Variants in BMP8A observed in about 807,000 individuals in gnomAD.
The protein encoded by BMP8A is bone morphogenetic protein 8a, also known as BMP-8A.
A neutral mutation model predicts 36.8 loss-of-function variants in BMP8A; 14 were observed. That is an observed-to-expected ratio of 0.38 (90% CI 0.25 to 0.60). BMP8A has a LOEUF of 0.60. BMP8A is among the 20% of genes least tolerant of loss of function. BMP8A has a pLI of 0.63. For missense variants in BMP8A, 267 were observed against 551.1 expected (o/e 0.48, Z 5.16); for synonymous variants, 120 against 237.7 (o/e 0.50, Z 4.55).
intron 4 of BMP8A, chr1:39,522,184 G>A (rs1645432487): frequency 7.6e-6 from 4 of 529,190 alleles, no homozygotes; most frequent in Non-Finnish European, 1.0e-5. Context: ...GGGAGGACTG[G>A]GCACAGTGTC....
At chr1:39,495,147 C>T (rs1047230539) in intron 1 of BMP8A, among the ~76,000 whole-genome samples, 2 of 152,154 alleles carry the variant, frequency 1.3e-5, no homozygotes, top group African/African-American at 4.8e-5. Context: ...CTGCCCACAC[C>T]CAGGCTCTCA....
rs1645479500 is a variant in BMP8A at position 39,525,944 on chromosome 1, C to CAGG, written c.*146_*147insAGG. On this transcript the variant is annotated 3_prime_UTR_variant, in exon 7 of 7. Coordinates refer to ENST00000331593, the MANE Select transcript of BMP8A (RefSeq NM_181809.4). ...GCCTACTTCCTGTCAGGCTTCTGGT[C>CAGG]CTTTCTCGGTACCTCTGTGCCCCTC... The CAGG allele has an allele frequency of 2.2e-6, 3 of 1,376,420 alleles. No individual in the cohort carries two copies. The highest frequency in any genetic ancestry group is 2.9e-6 in the Non-Finnish European group (3 of 1,017,300). 85.3% of individuals were successfully genotyped at this position (1,376,420 alleles called of 1,614,324 possible).
intron 1 of BMP8A, among the ~76,000 whole-genome samples, chr1:39,495,509 G>A (rs1305850594): frequency 1.4e-5 from 2 of 145,192 alleles, no homozygotes; most frequent in Non-Finnish European, 3.0e-5. Flanking sequence ...AGGGAGGGGA[G>A]AGCCCTGAGC....
rs1043145524 is a variant in BMP8A at position 39,528,467 on chromosome 1, T to C, written c.*2669T>C. On this transcript the variant is annotated 3_prime_UTR_variant, in exon 7 of 7. Coordinates refer to ENST00000331593, the MANE Select transcript of BMP8A (RefSeq NM_181809.4). ...GCAACAAGTAGCCACTGACAGGGAG[T>C]CTGGGGCCATTTGGTGCAGAACAAC... Among the ~76,000 whole-genome samples the C allele has an allele frequency of 6.6e-6, 1 of 151,942 alleles. No individual in the cohort carries two copies. The highest frequency in any genetic ancestry group is 2.4e-5 in the African/African-American group (1 of 41,338).
At chr1:39,494,081 A>G (rs1046621551) in intron 1 of BMP8A, among the ~76,000 whole-genome samples, 1 of 152,196 alleles carries the variant, frequency 6.6e-6, no homozygotes, top group African/African-American at 2.4e-5. Flanking sequence ...TTGTTGTGTG[A>G]TTGGTAGAGG....
rs187903784 is a variant in BMP8A, at chr1:39,528,831, G to C, written c.*3033G>C. 2.6e-5 allele frequency among the ~76,000 whole-genome samples: 4 copies of C among 151,858 alleles called. No homozygotes were observed. The East Asian group carries it at 7.8e-4, about 29-fold the overall frequency. On this transcript the variant is annotated 3_prime_UTR_variant, in exon 7 of 7. Transcript: ENST00000331593. ...CAATCCTCCCACTTCAGCCCGAGTTGCTGGGATGACAGGCACACGCCACCA... is the reference window on the plus strand; with the variant it reads ...CAATCCTCCCACTTCAGCCCGAGTTCCTGGGATGACAGGCACACGCCACCA...
At chr1:39,523,155 G>A (rs768035790) in intron 6 of BMP8A, 38 bp downstream of exon 6, 5 of 1,606,288 alleles carry the variant, frequency 3.1e-6, no homozygotes, top group East Asian at 4.5e-5. Flanking sequence ...CCCCTGGGGT[G>A]GGAGGCCCTG....
At chr1:39,523,340 G>A (rs11584399) in intron 6 of BMP8A, among the ~76,000 whole-genome samples, 10,969 of 152,272 alleles carry the variant, frequency 0.072, 464 homozygotes, top group Non-Finnish European at 0.09. Context: ...ACGGACACAC[G>A]TGAACAGTCG....
chr1:39,503,595 A>G (rs1471415410), intron 1 of BMP8A, among the ~76,000 whole-genome samples: 1 of 140,044 alleles, frequency 7.1e-6, no homozygotes, highest in Non-Finnish European at 1.5e-5. Flanking sequence ...GGTCACTGCA[A>G]CCTCTACCTC....
intron 1 of BMP8A, among the ~76,000 whole-genome samples, chr1:39,493,980 C>T (rs1212363865): frequency 3.3e-5 from 5 of 152,266 alleles, no homozygotes; most frequent in Non-Finnish European, 7.3e-5. Context: ...GGGCAGGGCC[C>T]ACCCCTCTGT....
intron 1 of BMP8A, among the ~76,000 whole-genome samples, chr1:39,507,427 C>A (rs2124344953): frequency 6.6e-6 from 1 of 152,310 alleles, no homozygotes; most frequent in African/African-American, 2.4e-5. Flanking sequence ...TATTGAGGAC[C>A]TGTCTAGAGG....
chr1:39,525,667 A>C lies in BMP8A; in HGVS notation c.1078A>C (p.Asn360His). ...LQSLVHLMKP[N>H]AVPKACCAPT... The stretch of plus-strand genomic sequence containing the variant: ...TGGCCAGGTGCACCTGATGAAGCCA[A>C]ACGCAGTCCCCAAGGCGTGCTGTGC... The change falls in exon 7 of 7, where the codon AAC becomes CAC. Residue 360 changes from asparagine (N) to histidine (H), a missense_variant. This residue lies in a region of BMP8A where 132 missense variants were observed against 151.3 expected (regional missense o/e 0.87). Transcript: ENST00000331593. 1 of 1,614,086 alleles carries C rather than the reference A, an allele frequency of 6.2e-7. No individual in the cohort carries two copies. The highest frequency in any genetic ancestry group is 8.5e-7 in the Non-Finnish European group (1 of 1,179,996).
In BMP8A at chr1:39,492,032, C is replaced by T; in HGVS notation, c.41C>T (p.Thr14Met). The T allele has an allele frequency of 4.6e-6, 5 of 1,095,840 alleles. No individual in the cohort carries two copies. The highest frequency in any genetic ancestry group is 5.5e-6 in the Non-Finnish European group (5 of 902,614). The allele number at this position is 1,095,840 out of a possible 1,614,324, so 67.9% of individuals were successfully genotyped here. The part of the protein sequence containing the change: ...RPGPLWLLGL[T>M]LCALGGGGPG... ...GGACCGCTCTGGCTTCTGGGCCTGA[C>T]GTTGTGCGCGCTGGGCGGGGGCGGC... The change falls in exon 1 of 7, where the codon ACG becomes ATG. Residue 14 changes from threonine to methionine, a missense_variant. By Grantham distance (81) the Thr-to-Met change is moderately conservative. This residue lies in a region of BMP8A where 56 missense variants were observed against 74.1 expected (regional missense o/e 0.76). Coordinates refer to ENST00000331593, the MANE Select transcript of BMP8A (RefSeq NM_181809.4).
chr1:39,506,446 A>G (rs2124342310), intron 1 of BMP8A, among the ~76,000 whole-genome samples: 1 of 151,970 alleles, frequency 6.6e-6, no homozygotes, highest in South Asian at 2.1e-4. Flanking sequence ...TGACCTCATG[A>G]TCCACCCGCC....
intron 1 of BMP8A, among the ~76,000 whole-genome samples, chr1:39,499,880 C>T (rs1449866092): frequency 6.6e-6 from 1 of 152,236 alleles, no homozygotes; most frequent in Admixed American, 6.5e-5. Flanking sequence ...CTGCAGAAAG[C>T]TCTACAGGCG....
chr1:39,497,421 C>CGATT (rs1208149944), intron 1 of BMP8A, among the ~76,000 whole-genome samples: 1 of 152,256 alleles, frequency 6.6e-6, no homozygotes, highest in East Asian at 1.9e-4. Context: ...GGGGGCTGAT[C>CGATT]GATTGTGCCC....
chr1:39,503,600 T>C (rs1293077895), intron 1 of BMP8A, among the ~76,000 whole-genome samples: 2 of 139,762 alleles, frequency 1.4e-5, no homozygotes, highest in Admixed American at 7.5e-5. Context: ...CTGCAACCTC[T>C]ACCTCCCAGG....
At chr1:39,500,148 G>T (rs1557686048) in intron 1 of BMP8A, among the ~76,000 whole-genome samples, 1 of 152,182 alleles carries the variant, frequency 6.6e-6, no homozygotes, top group Non-Finnish European at 1.5e-5. Context: ...CAAACATGCA[G>T]AGCCTTTGTA....
At chr1:39,513,935 G>C (rs569625396) in intron 3 of BMP8A, among the ~76,000 whole-genome samples, 1 of 152,106 alleles carries the variant, frequency 6.6e-6, no homozygotes, top group East Asian at 1.9e-4. Flanking sequence ...GACACCTGGA[G>C]GATGAGGTGA....
Sources: gnomAD v4.1 joint callset for allele counts (sites outside exome capture counted in the v4.1 genomes callset) on GRCh38, gnomAD v4.1.1 for gene constraint, gnomAD v4.1.1 regional missense constraint, MANE v1.5 for transcripts, NCBI Gene and HGNC (gene_info 2026-07-23, HGNC 2026-07-21) for gene names.